Variants in C6orf58 observed in about 807,000 individuals in gnomAD.
The protein encoded by C6orf58 is chromosome 6 open reading frame 58.
In C6orf58, 30 loss-of-function variants were observed where a neutral mutation model predicts 37.0. The ratio of observed to expected loss-of-function variants is 0.81; its 90% CI spans 0.61 to 1.10. The LOEUF (loss-of-function observed/expected upper bound fraction) is 1.10, where lower values mean the gene tolerates loss of function less well. C6orf58 is among the 50% of genes least tolerant of loss of function. The pLI is 0.00. For synonymous variants in C6orf58, 143 were observed against 134.1 expected (o/e 1.07, Z -0.46); for missense variants, 368 against 387.5 (o/e 0.95, Z 0.42).
chr6:127,579,917 T>G (rs1775029910), intron 2 of C6orf58, among the ~76,000 whole-genome samples: 2 of 151,974 alleles, frequency 1.3e-5, no homozygotes, highest in Admixed American at 1.3e-4. Flanking sequence ...TAATGAGAGG[T>G]TTTGTACCAT....
chr6:127,588,212 G>T (rs543390862), intron 4 of C6orf58, among the ~76,000 whole-genome samples: 2 of 152,162 alleles, frequency 1.3e-5, no homozygotes, highest in African/African-American at 2.4e-5. Flanking sequence ...TTGCAAGAAA[G>T]AATAACCAAA....
intron 4 of C6orf58, among the ~76,000 whole-genome samples, chr6:127,587,325 TTG>T (rs1201066132): frequency 6.6e-6 from 1 of 152,140 alleles, no homozygotes; most frequent in Non-Finnish European, 1.5e-5. Context: ...TAATAAAATA[TTG>T]TGTTATGGAT....
rs1464188720 is a variant in C6orf58, at chr6:127,581,413, T to C, written c.674+131T>C. The C allele has an allele frequency of 1.8e-5, 7 of 379,146 alleles. No individual in the cohort carries two copies. In the East Asian group the frequency reaches 2.7e-4, roughly 15 times the overall value. The allele number at this position is 379,146 out of a possible 1,614,324, so 23.5% of individuals were successfully genotyped here. On this transcript the variant is annotated intron_variant, in intron 4 of 5. Coordinates refer to ENST00000329722, the MANE Select transcript of C6orf58 (RefSeq NM_001010905.3). ...AAATAATAAGCCTAACCATTGGAGA[T>C]TATAGTGAGGATGTGTAAATATTTT... is the stretch of plus-strand genomic sequence containing the variant.
chr6:127,586,939 A>C (rs1320416685), intron 4 of C6orf58, among the ~76,000 whole-genome samples: 1 of 152,216 alleles, frequency 6.6e-6, no homozygotes, highest in East Asian at 1.9e-4. Context: ...AAATCTTTGT[A>C]TATGATTGCT....
At chr6:127,577,746 T>C (rs942995536) in intron 1 of C6orf58, among the ~76,000 whole-genome samples, 2 of 152,138 alleles carry the variant, frequency 1.3e-5, no homozygotes, top group African/African-American at 4.8e-5. Flanking sequence ...TCACATCTCA[T>C]CTATTGAGCA....
In C6orf58 at chr6:127,577,328, G is replaced by A. The variant is rs202163156; in HGVS notation, c.143G>A (p.Ser48Asn). ...GQLSDYRVEN[S>N]MYIINPWVYL... ...CTCAGTGACTACAGGGTGGAGAACA[G>A]CATGTACATTATTAATCCCTGGGTA... Residue 48 changes from serine (S) to asparagine (N), a missense_variant, in exon 1 of 6, where the codon AGC becomes AAC. Transcript: ENST00000329722. 2.8e-5 allele frequency: 45 copies of A among 1,613,530 alleles called. No individual in the cohort carries two copies. The highest frequency in any genetic ancestry group is 1.5e-4 in the Admixed American group (9 of 59,966).
At position 127,590,220 on chromosome 6, in the gene C6orf58, ATTC is replaced by A; in HGVS notation, c.814_816del (p.Leu272del). 1 of 1,613,822 alleles carries A rather than the reference ATTC, an allele frequency of 6.2e-7. No individual in the cohort carries two copies. The highest frequency in any genetic ancestry group is 8.5e-7 in the Non-Finnish European group (1 of 1,179,810). On this transcript the variant is annotated inframe_deletion, in exon 5 of 6. Transcript: ENST00000329722. ...GTTCCAGAAGGGCATGCCACCACGAATTCTTCTTAATACTGATGTAGCCCCTTT... is the reference window on the plus strand; with the variant it reads ...GTTCCAGAAGGGCATGCCACCACGAATTCTTAATACTGATGTAGCCCCTTT...
At chr6:127,581,514 C>T (rs1463807329) in intron 4 of C6orf58, among the ~76,000 whole-genome samples, 1 of 140,192 alleles carries the variant, frequency 7.1e-6, no homozygotes, top group Non-Finnish European at 1.6e-5. Context: ...CATGAAAAAA[C>T]AAAAAAAAAA....
chr6:127,586,905 A>G (rs1775112982), intron 4 of C6orf58, among the ~76,000 whole-genome samples: 1 of 152,206 alleles, frequency 6.6e-6, no homozygotes, highest in Non-Finnish European at 1.5e-5. Context: ...AGTGGCAGTT[A>G]CCTACTATTT....
Position 127,591,586 on chromosome 6 carries a change from G to A in C6orf58, c.957G>A (p.Ser319=), listed in dbSNP as rs141528789. ...TEKSNVYRDH[S]ESSSRSYGNN... is the part of the protein sequence containing the mutation. ...AATCTAATGTATATAGAGATCATTC[G>A]GAATCTAGCTCTAGAAGTTATGGAA... The change falls in exon 6 of 6, where the codon TCG becomes TCA. Residue 319 remains serine (S), a synonymous_variant. Coordinates refer to ENST00000329722, the MANE Select transcript of C6orf58 (RefSeq NM_001010905.3). The A allele has an allele frequency of 5.4e-5, 83 of 1,527,166 alleles. No individual in the cohort carries two copies. In the East Asian group the frequency reaches 8.3e-4, roughly 15 times the overall value. 94.6% of individuals were successfully genotyped at this position (1,527,166 alleles called of 1,614,324 possible).
At position 127,577,451 on chromosome 6, in the gene C6orf58, G is replaced by T. The variant is rs1399256007; in HGVS notation, c.266G>T (p.Gly89Val). ...APDNEQNILWGLPLQYGWQYR... is the reference protein window; with the variant it reads ...APDNEQNILWVLPLQYGWQYR... ...GATAATGAACAGAATATTTTATGGG[G>T]GTTGCCTCTGCAGTATGGCTGGCAA... The change falls in exon 1 of 6, where the codon GGG becomes GTG. Residue 89 changes from glycine to valine, a missense_variant. Coordinates refer to ENST00000329722, the MANE Select transcript of C6orf58 (RefSeq NM_001010905.3). The T allele has an allele frequency of 1.9e-6, 3 of 1,613,584 alleles. No homozygotes were observed. In the South Asian group the frequency reaches 3.3e-5, roughly 18 times the overall value.
rs372478677 is a variant in C6orf58 at position 127,581,498 on chromosome 6, G to A, written c.674+216G>A. Among the ~76,000 whole-genome samples, 29 of 143,792 alleles carry A rather than the reference G, an allele frequency of 2.0e-4. 2 individuals are homozygous for A. Among genetic ancestry groups the A allele is most frequent in the African/African-American group, 5.4e-4 (19 of 35,344 alleles). 94.3% of individuals were successfully genotyped at this position (143,792 alleles called of 152,430 possible). ...AAGGGGAAAATTTTGAGAAAAAAAA[G>A]CCTTGCATGAAAAAACAAAAAAAAA... On this transcript the variant is annotated intron_variant, in intron 4 of 5. Transcript: ENST00000329722.
chr6:127,583,557 G>C (rs1249895988), intron 4 of C6orf58, among the ~76,000 whole-genome samples: 3 of 152,146 alleles, frequency 2.0e-5, no homozygotes, highest in Non-Finnish European at 4.4e-5. Context: ...TCTCCGATGG[G>C]TGTACAGTCC....
In C6orf58 at chr6:127,578,069, CTGT is replaced by C. The variant is rs78565607; in HGVS notation, c.301+586_301+588del. Among the ~76,000 whole-genome samples, 202 of 152,090 alleles carry C rather than the reference CTGT, an allele frequency of 1.3e-3. 2 individuals carry two copies. The East Asian group carries it at 0.037, about 28-fold the overall frequency. On this transcript the variant is annotated intron_variant, in intron 1 of 5. Coordinates refer to ENST00000329722, the MANE Select transcript of C6orf58 (RefSeq NM_001010905.3). ...AGAAGCTCATGAGAAAGAGTGGTGCCTGTTGCCCACTCCCTGCTGATGACACAG... is the reference window on the plus strand; with the variant it reads ...AGAAGCTCATGAGAAAGAGTGGTGCCTGCCCACTCCCTGCTGATGACACAG...
intron 2 of C6orf58, among the ~76,000 whole-genome samples, 154 bp from the exon 3 acceptor site, chr6:127,580,111 T>A (rs1323390453): frequency 1.3e-5 from 2 of 152,098 alleles, no homozygotes; most frequent in Non-Finnish European, 2.9e-5. Context: ...ATTTGATCCT[T>A]AGGGGGATTT....
intron 4 of C6orf58, among the ~76,000 whole-genome samples, chr6:127,582,171 A>G (rs765515694): frequency 7.9e-5 from 12 of 152,092 alleles, no homozygotes; most frequent in Non-Finnish European, 5.9e-5. Flanking sequence ...CTGATTATTT[A>G]TGTTCTCTTT....
Position 127,577,302 on chromosome 6 carries a change from G to C in C6orf58, c.117G>C (p.Gln39His), listed in dbSNP as rs373250656. Residue 39 changes from glutamine to histidine, a missense_variant, in exon 1 of 6, where the codon CAG (glutamine) becomes CAC (histidine). Coordinates refer to ENST00000329722, the MANE Select transcript of C6orf58 (RefSeq NM_001010905.3). ...EPPLWKESPG[Q>H]LSDYRVENSM... is the part of the protein sequence containing the mutation. Reference sequence around the variant, plus strand: ...CTCTGTGGAAGGAGAGTCCTGGTCAGCTCAGTGACTACAGGGTGGAGAACA... The same window carrying C: ...CTCTGTGGAAGGAGAGTCCTGGTCACCTCAGTGACTACAGGGTGGAGAACA... 1.2e-6 allele frequency: 2 copies of C among 1,613,556 alleles called. No homozygotes were observed. Among genetic ancestry groups the C allele is most frequent in the Non-Finnish European group, 1.7e-6 (2 of 1,179,594 alleles).
Position 127,580,596 on chromosome 6 carries a change from G to C in C6orf58, c.573+147G>C, listed in dbSNP as rs1361773044. On this transcript the variant is annotated intron_variant, in intron 3 of 5. Coordinates refer to ENST00000329722, the MANE Select transcript of C6orf58 (RefSeq NM_001010905.3). ...TGATATATTAATAGTATATTGTAGA[G>C]TGTTATGAGTCATTAACACCTACTG... is the stretch of plus-strand genomic sequence containing the variant. 5.2e-6 allele frequency: 3 copies of C among 577,458 alleles called. No individual in the cohort carries two copies. The East Asian group carries it at 8.4e-5, about 16-fold the overall frequency. 35.8% of individuals were successfully genotyped at this position (577,458 alleles called of 1,614,324 possible).
chr6:127,577,469 G>A lies in C6orf58; in HGVS notation c.284G>A (p.Gly95Asp), dbSNP rs1775002108. Residue 95 changes from glycine (G) to aspartate (D), a missense_variant, in exon 1 of 6, where the codon GGC becomes GAC. Transcript: ENST00000329722. ...NILWGLPLQY[G>D]WQYRTGRLAD... ...TTATGGGGGTTGCCTCTGCAGTATGGCTGGCAATATAGGACAGGTAAGAAT... is the reference window on the plus strand; with the variant it reads ...TTATGGGGGTTGCCTCTGCAGTATGACTGGCAATATAGGACAGGTAAGAAT... The A allele has an allele frequency of 1.2e-6, 2 of 1,613,402 alleles. No homozygotes were observed. The highest frequency in any genetic ancestry group is 1.3e-5 in the African/African-American group (1 of 74,876).
Sources: allele counts gnomAD v4.1 joint callset (sites outside exome capture counted in the v4.1 genomes callset), GRCh38; gene constraint gnomAD v4.1.1; transcripts MANE v1.5; gene names NCBI Gene and HGNC (gene_info 2026-07-23, HGNC 2026-07-21).